Variants in ATP7A observed in about 807,000 individuals in gnomAD.
ATP7A encodes copper-transporting ATPase 1.
In ATP7A, 7 loss-of-function variants were observed where a neutral mutation model predicts 83.5. The ratio of observed to expected loss-of-function variants is 0.08; its 90% confidence interval spans 0.05 to 0.16. The LOEUF (loss-of-function observed/expected upper bound fraction) is 0.16. Ranked by LOEUF, ATP7A falls within the 10% of genes least tolerant of loss-of-function variation. ATP7A has a pLI of 1.00. For missense variants in ATP7A, 940 were observed against 1,120.8 expected, an observed-to-expected ratio of 0.84 and a Z score of 2.30; for synonymous variants, 354 against 395.2, an observed-to-expected ratio of 0.90 and a Z score of 1.24.
chrX:77,921,940 T>C (rs1364264140), intron 1 of ATP7A, among the ~76,000 whole-genome samples: 1 of 110,000 alleles, frequency 9.1e-6, no homozygotes. Context: ...ATATTAGCTA[T>C]TATGTTTTAT....
intron 14 of ATP7A, among the ~76,000 whole-genome samples, chrX:78,028,531 G>A (rs1557236615): frequency 9.0e-6 from 1 of 111,454 alleles, no homozygotes; most frequent in African/African-American, 3.3e-5. Context: ...TAGAGATGAG[G>A]TCTTACCATG....
At chrX:77,968,361 A>G (rs1403822563) in intron 1 of ATP7A, among the ~76,000 whole-genome samples, 1 of 112,232 alleles carries the variant, frequency 8.9e-6, no homozygotes, top group Non-Finnish European at 1.9e-5. Flanking sequence ...ATTGATCCCA[A>G]CCTAGAGCCA....
chrX:77,970,542 T>C (rs1437523543), intron 1 of ATP7A, among the ~76,000 whole-genome samples: 1 of 111,209 alleles, frequency 9.0e-6, no homozygotes, highest in Non-Finnish European at 1.9e-5. Flanking sequence ...TGTGGTGGCA[T>C]GCGCCCGTAA....
At chrX:77,980,888 G>A (rs1569549475) in intron 2 of ATP7A, among the ~76,000 whole-genome samples, 2 of 111,451 alleles carry the variant, frequency 1.8e-5, no homozygotes, top group African/African-American at 3.3e-5. Flanking sequence ...GGCTGGTCTC[G>A]AACTCCTGAA....
chrX:77,996,927 T>C (rs1271845540), intron 4 of ATP7A, among the ~76,000 whole-genome samples: 1 of 111,541 alleles, frequency 9.0e-6, no homozygotes. Context: ...TTTGTTTTTC[T>C]TTGGTTTTTA....
chrX:77,948,103 TCA>T lies in ATP7A; in HGVS notation c.-21-23517_-21-23516del, dbSNP rs1557226405. The stretch of plus-strand genomic sequence containing the variant: ...TTTATTTATTTATTTATTTATTTAT[TCA>T]TTCATTCATTCATTCATTCGTTCAT... On this transcript the variant is annotated intron_variant, in intron 1 of 22. Transcript: ENST00000341514. 8.0e-4 allele frequency among the ~76,000 whole-genome samples: 57 copies of T among 71,007 alleles called. 1 individual carries two copies. The highest frequency in any genetic ancestry group is 2.1e-3 in the East Asian group (4 of 1,878). 61.7% of individuals were successfully genotyped at this position (71,007 alleles called of 115,157 possible).
In ATP7A at chrX:78,015,852, A is replaced by G. The variant is rs1264242478; in HGVS notation, c.2597A>G (p.His866Arg). The G allele has an allele frequency of 4.1e-6, 5 of 1,210,353 alleles. No individual in the cohort carries two copies. The highest frequency in any genetic ancestry group is 2.3e-4 in the Middle Eastern group (1 of 4,353). The stretch of plus-strand genomic sequence containing the variant: ...GTGGATGGTCGTGTTATTGAAGGAC[A>G]TTCTATGGTAGATGAGTCCCTCATC... ...FPVDGRVIEG[H>R]SMVDESLITG... Residue 866 changes from histidine (H) to arginine (R), a missense_variant, in exon 12 of 23, where the codon CAT (histidine) becomes CGT (arginine). Physicochemically the swap from His to Arg is conservative, Grantham distance 29 (BLOSUM62 0). This residue lies in a region of ATP7A where 386 missense variants were observed against 502.2 expected (regional missense o/e 0.77). Transcript: ENST00000341514.
At chrX:77,977,421 T>C (rs1230343631) in intron 2 of ATP7A, among the ~76,000 whole-genome samples, 1 of 112,365 alleles carries the variant, frequency 8.9e-6, no homozygotes, top group African/African-American at 3.2e-5. Flanking sequence ...ACTTAGGTAC[T>C]TATTGTCCAC....
At chrX:77,958,880 C>T (rs1191580835) in intron 1 of ATP7A, among the ~76,000 whole-genome samples, 2 of 106,363 alleles carry the variant, frequency 1.9e-5, no homozygotes, top group African/African-American at 6.9e-5. Flanking sequence ...CCTCTGCCTC[C>T]AGGGTTCAAG....
At chrX:78,039,915 G>C (rs1439100466) in intron 18 of ATP7A, among the ~76,000 whole-genome samples, 1 of 110,945 alleles carries the variant, frequency 9.0e-6, no homozygotes, top group Non-Finnish European at 1.9e-5. Context: ...GGAAATTTAG[G>C]CTATTCCTAA....
intron 1 of ATP7A, among the ~76,000 whole-genome samples, chrX:77,952,002 T>C (rs927266818): frequency 8.9e-5 from 10 of 112,220 alleles, no homozygotes; most frequent in Middle Eastern, 4.6e-3. Flanking sequence ...ACATATAAGT[T>C]TCCTCCAAGT....
chrX:77,994,018 G>T (rs1185940350), intron 4 of ATP7A, among the ~76,000 whole-genome samples: 1 of 111,010 alleles, frequency 9.0e-6, no homozygotes, highest in Non-Finnish European at 1.9e-5. Context: ...GCCCATTTTT[G>T]TGCTTAGATT....
chrX:77,939,953 T>TA (rs1386789463), intron 1 of ATP7A, among the ~76,000 whole-genome samples: 2 of 109,114 alleles, frequency 1.8e-5, no homozygotes, highest in Admixed American at 2.0e-4. Flanking sequence ...TTCAATATTG[T>TA]AAAAAGAGGT....
At chrX:77,961,296 C>A (rs1557228048) in intron 1 of ATP7A, among the ~76,000 whole-genome samples, 1 of 111,919 alleles carries the variant, frequency 8.9e-6, no homozygotes, top group Non-Finnish European at 1.9e-5. Flanking sequence ...CTCAGTTCCT[C>A]AGTAAGCCTG....
intron 18 of ATP7A, among the ~76,000 whole-genome samples, chrX:78,040,203 C>G (rs1347379834): frequency 4.0e-5 from 4 of 99,136 alleles, no homozygotes; most frequent in South Asian, 5.3e-4. Flanking sequence ...CTCTCTGCCC[C>G]CCCCCCCTTA....
At chrX:77,921,494 T>A (rs2149042207) in intron 1 of ATP7A, among the ~76,000 whole-genome samples, 1 of 112,377 alleles carries the variant, frequency 8.9e-6, no homozygotes, top group Non-Finnish European at 1.9e-5. Flanking sequence ...ACTTACTAAC[T>A]ATGTGACCTT....
In ATP7A at chrX:77,978,894, C is replaced by T. The variant is rs188962039; in HGVS notation, c.120+7133C>T. 2.0e-4 allele frequency among the ~76,000 whole-genome samples: 22 copies of T among 111,110 alleles called. No homozygotes were observed. In the East Asian group the frequency reaches 5.6e-3, roughly 28 times the overall value. ...TCATCTGTACTGGAATGCGATGGTGCGATCTCGGCTCACTGCAACCTTCGC... is the reference window on the plus strand; with the variant it reads ...TCATCTGTACTGGAATGCGATGGTGTGATCTCGGCTCACTGCAACCTTCGC... On this transcript the variant is annotated intron_variant, in intron 2 of 22. Coordinates refer to ENST00000341514, the MANE Select transcript of ATP7A (RefSeq NM_000052.7).
At chrX:77,940,188 A>G (rs995177118) in intron 1 of ATP7A, among the ~76,000 whole-genome samples, 4 of 111,326 alleles carry the variant, frequency 3.6e-5, no homozygotes, top group Non-Finnish European at 7.6e-5. Context: ...GTACACTTAA[A>G]TATGTGTTAA....
At chrX:77,948,511 T>C (rs188425679) in intron 1 of ATP7A, among the ~76,000 whole-genome samples, 19 of 112,439 alleles carry the variant, frequency 1.7e-4, no homozygotes, top group African/African-American at 5.8e-4. Flanking sequence ...AAAAGACAAA[T>C]GTTGTATAAA....
Sources: allele counts gnomAD v4.1 joint callset (sites outside exome capture counted in the v4.1 genomes callset), GRCh38; gene constraint gnomAD v4.1.1; regional missense constraint gnomAD v4.1.1; transcripts MANE v1.5; gene names NCBI Gene and HGNC (gene_info 2026-07-23, HGNC 2026-07-21).